The following SNX17 variants were observed in gnomAD, a reference collection of about 807,000 sequenced individuals.
The protein encoded by SNX17 is sorting nexin-17.
In SNX17, 35 loss-of-function variants were observed where a neutral mutation model predicts 64.3. The ratio of observed to expected loss-of-function variants is 0.54; its 90% CI spans 0.42 to 0.72. The LOEUF is 0.72. Ranked by LOEUF, SNX17 falls within the 30% of genes least tolerant of loss-of-function variation. The pLI is 0.00. For synonymous variants in SNX17, 259 were observed against 230.2 expected, an observed-to-expected ratio of 1.13 and a Z score of -1.13; for missense variants, 538 against 610.0, an observed-to-expected ratio of 0.88 and a Z score of 1.24.
intron 1 of SNX17, 78 bp from the exon 2 acceptor site, chr2:27,371,191 G>A (rs1005263544): frequency 3.7e-5 from 50 of 1,338,984 alleles, no homozygotes; most frequent in Non-Finnish European, 5.2e-5. Flanking sequence ...CGAGTTGCCA[G>A]GCAACTTCCG....
intron 13 of SNX17, 24 bp downstream of exon 13, chr2:27,376,411 A>G (rs1193178540): frequency 4.3e-6 from 7 of 1,613,902 alleles, no homozygotes; most frequent in Non-Finnish European, 5.9e-6. Flanking sequence ...CCTGGTCAGA[A>G]CCCTGGCTCT....
rs1405685740 is a variant in SNX17 at position 27,372,709 on chromosome 2, G to A, written c.225G>A (p.Arg75=). The change falls in exon 3 of 15, where the codon AGG becomes AGA. Residue 75 remains arginine, a synonymous_variant. Coordinates refer to ENST00000233575, the MANE Select transcript of SNX17 (RefSeq NM_014748.4). ...FSLTPAEVEQ[R]REQLEKYMQA... ...TGACTCCTGCTGAGGTAGAACAGAGGAGAGAGCAGTTAGAGAAGTACATGC... is the reference window on the plus strand; with the variant it reads ...TGACTCCTGCTGAGGTAGAACAGAGAAGAGAGCAGTTAGAGAAGTACATGC... The A allele has an allele frequency of 1.2e-6, 2 of 1,614,210 alleles. No homozygotes were observed. The highest frequency in any genetic ancestry group is 1.7e-6 in the Non-Finnish European group (2 of 1,180,020).
intron 3 of SNX17, 193 bp downstream of exon 3, chr2:27,372,933 A>G: frequency 7.8e-7 from 1 of 1,288,940 alleles, no homozygotes; most frequent in Non-Finnish European, 1.1e-6. Flanking sequence ...CAATTTGGGC[A>G]CTAACATCTA....
Position 27,376,300 on chromosome 2 carries a change from T to C in SNX17, c.1183-13T>C, listed in dbSNP as rs1683217044. 1.2e-6 allele frequency: 2 copies of C among 1,611,944 alleles called. No homozygotes were observed. The highest frequency in any genetic ancestry group is 1.7e-6 in the Non-Finnish European group (2 of 1,178,478). ...TGATCCTGCCCTCACCGGCACCTTG[T>C]GTCTGTCCCCAGATGCTGCGCCGGC... On this transcript the variant is annotated splice_polypyrimidine_tract_variant and intron_variant, in intron 12 of 14. Coordinates refer to ENST00000233575, the MANE Select transcript of SNX17 (RefSeq NM_014748.4).
chr2:27,374,244 C>A, intron 6 of SNX17, 69 bp downstream of exon 6: 1 of 1,480,582 alleles, frequency 6.8e-7, no homozygotes, highest in Non-Finnish European at 9.4e-7. Flanking sequence ...CCTAACTCCC[C>A]ACCCCCACCC....
rs1245105506 is a variant in SNX17 at position 27,375,704 on chromosome 2, T to A, written c.973T>A (p.Ser325Thr). The A allele has an allele frequency of 6.2e-7, 1 of 1,613,864 alleles. No individual in the cohort carries two copies. Among genetic ancestry groups the A allele is most frequent in the South Asian group, 1.1e-5 (1 of 91,062 alleles). Residue 325 changes from serine (S) to threonine (T), a missense_variant, in exon 10 of 15, where the codon TCC (serine) becomes ACC (threonine). Ser to Thr is a moderately conservative substitution (Grantham distance 58, BLOSUM62 1). This residue lies in a region of SNX17 where 505 missense variants were observed against 550.4 expected (regional missense o/e 0.92). Coordinates refer to ENST00000233575, the MANE Select transcript of SNX17 (RefSeq NM_014748.4). The surrounding 1 kb of genome is among the most constrained non-coding windows in gnomAD (Gnocchi z 4.1). ...VTRMRCWRVT[S>T]SVPLPSGSTS... Reference sequence around the variant, plus strand: ...CCGCATGCGATGCTGGCGGGTCACCTCCTCTGTGAGTCGGGTTAGGAGGGG... The same window carrying A: ...CCGCATGCGATGCTGGCGGGTCACCACCTCTGTGAGTCGGGTTAGGAGGGG...
At position 27,376,528 on chromosome 2, in the gene SNX17, C is replaced by T. The variant is rs966847471; in HGVS notation, c.1299+8C>T. 2.5e-6 allele frequency: 4 copies of T among 1,614,196 alleles called. No individual in the cohort carries two copies. In the African/African-American group the frequency reaches 5.3e-5, roughly 22 times the overall value. ...TCTATGGTCAAACTCTCAGTGAGTTCCAGCGTTGGTGAGGTTGCTGTTTGT... is the reference window on the plus strand; with the variant it reads ...TCTATGGTCAAACTCTCAGTGAGTTTCAGCGTTGGTGAGGTTGCTGTTTGT... On this transcript the variant is annotated splice_region_variant and intron_variant, in intron 14 of 14. Transcript: ENST00000233575.
intron 3 of SNX17, 43 bp downstream of exon 3, chr2:27,372,783 T>C (rs940048054): frequency 6.2e-7 from 1 of 1,611,576 alleles, no homozygotes; most frequent in Non-Finnish European, 8.5e-7. Flanking sequence ...TTGAGGACTA[T>C]GGGGAGAGAC....
In SNX17 at chr2:27,374,085, G is replaced by A; in HGVS notation, c.433G>A (p.Ala145Thr). ...GCTGTACTTCTATCCCTATCCCCAGGCTGTAGCTGCAAAGCTGGATCTTCC... is the reference window on the plus strand; with the variant it reads ...GCTGTACTTCTATCCCTATCCCCAGACTGTAGCTGCAAAGCTGGATCTTCC... ...TSDQTEDVLEAVAAKLDLPDD... is the reference protein window; with the variant it reads ...TSDQTEDVLETVAAKLDLPDD... The change falls in exon 6 of 15, where the codon GCT becomes ACT. Residue 145 changes from alanine (A) to threonine (T), a missense_variant and splice_region_variant. By Grantham distance (58) the Ala-to-Thr change is moderately conservative. Transcript: ENST00000233575. 6.2e-7 allele frequency: 1 copy of A among 1,614,114 alleles called. No individual in the cohort carries two copies. Among genetic ancestry groups the A allele is most frequent in the Non-Finnish European group, 8.5e-7 (1 of 1,179,970 alleles).
Position 27,374,961 on chromosome 2 carries a change from G to T in SNX17, c.682-100G>T, listed in dbSNP as rs1683021837. ...GACTTACTGCAGAGAGGTCGCTCAA[G>T]TGTGGGGCTAGGGGTCAGGCTGGAC... On this transcript the variant is annotated intron_variant, in intron 8 of 14. Transcript: ENST00000233575. 9 of 1,166,644 alleles carry T rather than the reference G, an allele frequency of 7.7e-6. No individual in the cohort carries two copies. The South Asian group carries it at 1.1e-4, about 15-fold the overall frequency. 72.3% of individuals were successfully genotyped at this position (1,166,644 alleles called of 1,614,324 possible).
At position 27,375,274 on chromosome 2, in the gene SNX17, G is replaced by T; in HGVS notation, c.774+121G>T. ...CCGCCTCAGCCTCCCGAGTAGCTGG[G>T]ACTACAGGCACCCGCCACGACGCCC... On this transcript the variant is annotated intron_variant, in intron 9 of 14. Transcript: ENST00000233575. The surrounding 1 kb of genome is among the most constrained non-coding windows in gnomAD (Gnocchi z 4.1). The T allele has an allele frequency of 1.0e-6, 1 of 984,502 alleles. No individual in the cohort carries two copies. Among genetic ancestry groups the T allele is most frequent in the Non-Finnish European group, 1.5e-6 (1 of 662,774 alleles). The allele number at this position is 984,502 out of a possible 1,614,324, so 61.0% of individuals were successfully genotyped here. A position where few individuals can be genotyped will look rare whatever the true frequency, so the allele number is the denominator to read the frequency against.
chr2:27,375,801 AG>A lies in SNX17; in HGVS notation c.979-43del, dbSNP rs766760028. On this transcript the variant is annotated intron_variant, in intron 10 of 14. Transcript: ENST00000233575. The surrounding 1 kb of genome is among the most constrained non-coding windows in gnomAD (Gnocchi z 4.1). The stretch of plus-strand genomic sequence containing the variant: ...GCTGCAGCGGGTCAGGGAGCCAGAC[AG>A]GTTGGTCAGAGTGAACTCAACCGAA... 1.2e-6 allele frequency: 2 copies of A among 1,610,772 alleles called. No homozygotes were observed. Among genetic ancestry groups the A allele is most frequent in the South Asian group, 1.1e-5 (1 of 90,942 alleles).
chr2:27,374,932 C>G (rs964453363), intron 8 of SNX17, 129 bp from the exon 9 acceptor site: 32 of 957,398 alleles, frequency 3.3e-5, no homozygotes, highest in Non-Finnish European at 5.1e-5. Flanking sequence ...CTGACAAGAT[C>G]AAGGACTTAC....
At chr2:27,374,000 C>T in intron 5 of SNX17, 29 bp downstream of exon 5, 6 of 1,609,802 alleles carry the variant, frequency 3.7e-6, no homozygotes, top group Non-Finnish European at 5.1e-6. Flanking sequence ...ACTGCCCCTT[C>T]TTCCCCTACA....
intron 2 of SNX17, among the ~76,000 whole-genome samples, chr2:27,371,871 A>T (rs1396520623): frequency 1.3e-5 from 2 of 152,090 alleles, no homozygotes; most frequent in African/African-American, 4.8e-5. Context: ...TAGTTGTGCA[A>T]CCCTGAACAA....
In SNX17 at chr2:27,376,098, G is replaced by A. The variant is rs1411053294; in HGVS notation, c.1105-8G>A. 4 of 1,614,086 alleles carry A rather than the reference G, an allele frequency of 2.5e-6. No individual in the cohort carries two copies. Among genetic ancestry groups the A allele is most frequent in the Admixed American group, 3.3e-5 (2 of 60,018 alleles). On this transcript the variant is annotated splice_region_variant and splice_polypyrimidine_tract_variant and intron_variant, in intron 11 of 14. Coordinates refer to ENST00000233575, the MANE Select transcript of SNX17 (RefSeq NM_014748.4). ...TCTCATCAAGCTGGACACTCTTCTT[G>A]CCCTCAGGCTATCATGATGAGCATC...
intron 2 of SNX17, among the ~76,000 whole-genome samples, chr2:27,371,828 C>T (rs1682601993): frequency 1.3e-5 from 2 of 152,222 alleles, no homozygotes; most frequent in South Asian, 2.1e-4. Flanking sequence ...AGATCTTAAA[C>T]TCTATTTAAC....
intron 7 of SNX17, 99 bp downstream of exon 7, chr2:27,374,532 A>T (rs1026066038): frequency 1.5e-6 from 2 of 1,295,696 alleles, no homozygotes; most frequent in Non-Finnish European, 2.2e-6. Flanking sequence ...AAGGGGGTGT[A>T]GTGCTGGGTG....
intron 4 of SNX17, 127 bp from the exon 5 acceptor site, chr2:27,373,734 A>T (rs1682874175): frequency 3.0e-6 from 2 of 671,954 alleles, no homozygotes; most frequent in South Asian, 1.8e-5. Flanking sequence ...TATGAAATCA[A>T]AGAAATCACA....
Sources: allele counts gnomAD v4.1 joint callset (sites outside exome capture counted in the v4.1 genomes callset), GRCh38; gene constraint gnomAD v4.1.1; regional missense constraint gnomAD v4.1.1; non-coding constraint Gnocchi (gnomAD v3.1); transcripts MANE v1.5; gene names NCBI Gene and HGNC (gene_info 2026-07-23, HGNC 2026-07-21).